TMEM214: variants seen among roughly 807,000 people sequenced by gnomAD.
The protein encoded by TMEM214 is transmembrane protein 214.
A neutral mutation model predicts 89.8 loss-of-function variants in TMEM214; 71 were observed. The ratio of observed to expected loss-of-function variants is 0.79; its 90% confidence interval spans 0.65 to 0.96. The LOEUF (loss-of-function observed/expected upper bound fraction) is 0.96, where lower values mean the gene tolerates loss of function less well. TMEM214 is among the 40% of genes least tolerant of loss of function. The probability of loss-of-function intolerance (pLI) is 0.00; values close to 1 mark genes in which losing one functional copy is unlikely to be tolerated. For missense variants in TMEM214, 754 were observed against 843.4 expected, an observed-to-expected ratio of 0.89 and a Z score of 1.31; for synonymous variants, 332 against 349.5, an observed-to-expected ratio of 0.95 and a Z score of 0.56.
chr2:27,037,822 T>C, intron 9 of TMEM214, 120 bp downstream of exon 9: 2 of 1,598,138 alleles, frequency 1.3e-6, no homozygotes, highest in Non-Finnish European at 1.7e-6. Context: ...TAGCTCCCTG[T>C]TGACAGCTGC....
rs1558399015 is a variant in TMEM214, at chr2:27,038,353, C to G, written c.1244+116C>G. 1 of 1,536,520 alleles carries G rather than the reference C, an allele frequency of 6.5e-7. No individual in the cohort carries two copies. Among genetic ancestry groups the G allele is most frequent in the Non-Finnish European group, 9.0e-7 (1 of 1,113,228 alleles). On this transcript the variant is annotated intron_variant, in intron 10 of 16. Coordinates refer to ENST00000238788, the MANE Select transcript of TMEM214 (RefSeq NM_017727.5). The surrounding 1 kb of genome is among the most constrained non-coding windows in gnomAD (Gnocchi z 4.4). ...AGTGGGAACATTGCTGGAGCAGCCTCTAGGAAGCTGCTGCTCTGTGGGTGG... is the reference window on the plus strand; with the variant it reads ...AGTGGGAACATTGCTGGAGCAGCCTGTAGGAAGCTGCTGCTCTGTGGGTGG...
chr2:27,038,869 G>A lies in TMEM214; in HGVS notation c.1407+54G>A. ...CACGCTATCTTACATCTCTGTCTCA[G>A]CACACCTGGGTTGGGCCTGTATCAC... On this transcript the variant is annotated intron_variant, in intron 12 of 16. Coordinates refer to ENST00000238788, the MANE Select transcript of TMEM214 (RefSeq NM_017727.5). The surrounding 1 kb of genome is among the most constrained non-coding windows in gnomAD (Gnocchi z 4.4). The A allele has an allele frequency of 6.5e-7, 1 of 1,535,426 alleles. No individual in the cohort carries two copies. Among genetic ancestry groups the A allele is most frequent in the Non-Finnish European group, 9.0e-7 (1 of 1,112,792 alleles).
intron 7 of TMEM214, 35 bp from the exon 8 acceptor site, chr2:27,037,042 T>C: frequency 6.3e-7 from 1 of 1,576,812 alleles, no homozygotes; most frequent in South Asian, 1.1e-5. Context: ...GCATGGGTGG[T>C]GGTGTCCAGC....
intron 1 of TMEM214, 41 bp downstream of exon 1, chr2:27,033,207 C>T (rs984565316): frequency 8.0e-7 from 1 of 1,245,358 alleles, no homozygotes; most frequent in East Asian, 3.2e-5. Flanking sequence ...CCAGGCCTGT[C>T]CGGCAGGGTC....
Position 27,036,037 on chromosome 2 carries a change from G to C in TMEM214, c.705G>C (p.Thr235=), listed in dbSNP as rs1459742396. The C allele has an allele frequency of 1.2e-6, 2 of 1,614,126 alleles. No homozygotes were observed. ...TGCAAGACAAGCCCAAGATTGCCAC[G>C]GCAAACCTAGGCAAGGTGAGCTCTC... The part of the protein sequence containing the change: ...AILQDKPKIA[T]ANLGKFLELL... Residue 235 remains threonine, a synonymous_variant, in exon 5 of 17, where the codon ACG becomes ACC. Transcript: ENST00000238788.
chr2:27,036,609 G>A lies in TMEM214; in HGVS notation c.826+17G>A, dbSNP rs1667575325. ...GACTGAAAGGTAACAGGGAAATAGG[G>A]AAGAAAGAGGGAGGGTCTCGGAGCT... On this transcript the variant is annotated intron_variant, in intron 6 of 16. Coordinates refer to ENST00000238788, the MANE Select transcript of TMEM214 (RefSeq NM_017727.5). The A allele has an allele frequency of 1.2e-6, 2 of 1,613,656 alleles. No homozygotes were observed. Among genetic ancestry groups the A allele is most frequent in the Non-Finnish European group, 1.7e-6 (2 of 1,179,660 alleles).
chr2:27,038,350 C>T lies in TMEM214; in HGVS notation c.1244+113C>T. On this transcript the variant is annotated intron_variant, in intron 10 of 16. Transcript: ENST00000238788. This position sits in a 1 kb window ranked among gnomAD's most constrained non-coding sequence, Gnocchi z 4.4. ...CTGAGTGGGAACATTGCTGGAGCAGCCTCTAGGAAGCTGCTGCTCTGTGGG... is the reference window on the plus strand; with the variant it reads ...CTGAGTGGGAACATTGCTGGAGCAGTCTCTAGGAAGCTGCTGCTCTGTGGG... 1 of 1,535,316 alleles carries T rather than the reference C, an allele frequency of 6.5e-7. No homozygotes were observed. The highest frequency in any genetic ancestry group is 9.0e-7 in the Non-Finnish European group (1 of 1,112,344).
At chr2:27,039,300 A>T (rs1419943456) in intron 13 of TMEM214, 136 bp downstream of exon 13, 1 of 732,530 alleles carries the variant, frequency 1.4e-6, no homozygotes, top group African/African-American at 1.8e-5. Context: ...CACTTTACAG[A>T]CAGATTTTTT....
rs1250034008 is a variant in TMEM214, at chr2:27,038,693, T to C, written c.1294-9T>C. 1.2e-6 allele frequency: 2 copies of C among 1,613,622 alleles called. No homozygotes were observed. Among genetic ancestry groups the C allele is most frequent in the South Asian group, 2.2e-5 (2 of 90,992 alleles). On this transcript the variant is annotated splice_polypyrimidine_tract_variant and intron_variant, in intron 11 of 16. Transcript: ENST00000238788. The surrounding 1 kb of genome is among the most constrained non-coding windows in gnomAD (Gnocchi z 4.4). ...ATTCCCTCACAGGCCAGACCTTTCT[T>C]GTCCATAGGTACAGAAGTCTTTGCA... is the stretch of plus-strand genomic sequence containing the variant.
intron 12 of TMEM214, 36 bp from the exon 13 acceptor site, chr2:27,039,011 G>A (rs751988783): frequency 2.1e-5 from 33 of 1,604,808 alleles, no homozygotes; most frequent in Admixed American, 3.3e-5. Flanking sequence ...CCAGCCCCTC[G>A]CTTCTGACAA....
intron 1 of TMEM214, 131 bp from the exon 2 acceptor site, chr2:27,033,936 G>C: frequency 1.0e-6 from 1 of 999,638 alleles, no homozygotes; most frequent in Non-Finnish European, 1.5e-6. Flanking sequence ...AGCAGTCCAA[G>C]AGGAAGGGGC....
chr2:27,039,039 C>G lies in TMEM214; in HGVS notation c.1408-8C>G. 1 of 1,612,992 alleles carries G rather than the reference C, an allele frequency of 6.2e-7. No homozygotes were observed. On this transcript the variant is annotated splice_region_variant and splice_polypyrimidine_tract_variant and intron_variant, in intron 12 of 16. Coordinates refer to ENST00000238788, the MANE Select transcript of TMEM214 (RefSeq NM_017727.5). ...TCTGACAACTGTCTCCTGCTCCCCTCCCACCAGGGCCTGTTGCAGCAGGTT... is the reference window on the plus strand; with the variant it reads ...TCTGACAACTGTCTCCTGCTCCCCTGCCACCAGGGCCTGTTGCAGCAGGTT...
In TMEM214 at chr2:27,037,440, A is replaced by G. The variant is rs913018615; in HGVS notation, c.1011-121A>G. On this transcript the variant is annotated intron_variant, in intron 8 of 16. Coordinates refer to ENST00000238788, the MANE Select transcript of TMEM214 (RefSeq NM_017727.5). ...TCTCTGAGTAAAAAGATTCAGAGCC[A>G]TTGCAAGGTCCTCAGTGGCTATTCC... 16 of 1,269,828 alleles carry G rather than the reference A, an allele frequency of 1.3e-5. No homozygotes were observed. The Admixed American group carries it at 2.1e-4, about 17-fold the overall frequency. The allele number at this position is 1,269,828 out of a possible 1,614,324, so 78.7% of individuals were successfully genotyped here. A position where few individuals can be genotyped will look rare whatever the true frequency, so the allele number is the denominator to read the frequency against.
chr2:27,040,362 C>T lies in TMEM214; in HGVS notation c.1809C>T (p.Pro603=), dbSNP rs184236766. 4.2e-3 allele frequency: 6,787 copies of T among 1,614,198 alleles called. 62 individuals are homozygous for T. Among genetic ancestry groups the T allele is most frequent in the Non-Finnish European group, 3.9e-3 (4,593 of 1,180,016 alleles). ...SLSQRLQIQL[P]DSVNQLLRYL... is the part of the protein sequence containing the mutation. ...TGGTCCAGCTACAGATCCAGCTCCCCGATTCCGTGAATCAGCTACTCCGCT... is the reference window on the plus strand; with the variant it reads ...TGGTCCAGCTACAGATCCAGCTCCCTGATTCCGTGAATCAGCTACTCCGCT... Residue 603 remains proline (P), a synonymous_variant, in exon 16 of 17, where the codon CCC becomes CCT. Transcript: ENST00000238788.
In TMEM214 at chr2:27,037,624, G is replaced by A. The variant is rs374631368; in HGVS notation, c.1074G>A (p.Pro358=). 254 of 1,614,126 alleles carry A rather than the reference G, an allele frequency of 1.6e-4. 1 individual carries two copies. Among genetic ancestry groups the A allele is most frequent in the South Asian group, 1.6e-3 (142 of 91,080 alleles). The change falls in exon 9 of 17, where the codon CCG becomes CCA. Residue 358 remains proline (P), a synonymous_variant. Coordinates refer to ENST00000238788, the MANE Select transcript of TMEM214 (RefSeq NM_017727.5). ...AAGTGCTGGCATTTGGAGCAAAGCC[G>A]GATTCCACCCTGCATACCTACTTCC... is the stretch of plus-strand genomic sequence containing the variant. The part of the protein sequence containing the change: ...RLKVLAFGAK[P]DSTLHTYFPS...
At chr2:27,035,453 T>C (rs548444799) in intron 3 of TMEM214, 141 bp from the exon 4 acceptor site, 84 of 1,425,206 alleles carry the variant, frequency 5.9e-5, no homozygotes, top group Non-Finnish European at 7.9e-5. Context: ...TGATCCTCCC[T>C]CTGGGCCTCC....
intron 1 of TMEM214, 44 bp downstream of exon 1, chr2:27,033,210 G>T (rs1667407827): frequency 2.4e-6 from 3 of 1,244,846 alleles, no homozygotes; most frequent in Non-Finnish European, 1.0e-6. Flanking sequence ...GGCCTGTCCG[G>T]CAGGGTCGCA....
chr2:27,037,029 C>G (rs1283161954), intron 7 of TMEM214, 48 bp from the exon 8 acceptor site: 1 of 1,545,694 alleles, frequency 6.5e-7, no homozygotes, highest in Non-Finnish European at 8.9e-7. Flanking sequence ...GCCAAAACAG[C>G]TGGCATGGGT....
intron 5 of TMEM214, 46 bp from the exon 6 acceptor site, chr2:27,036,441 G>C (rs369467104): frequency 3.8e-5 from 56 of 1,489,292 alleles, no homozygotes; most frequent in Non-Finnish European, 5.1e-5. Flanking sequence ...GGGTGCTCCT[G>C]GTGTTTTGTC....
Sources: allele counts gnomAD v4.1 joint callset, GRCh38; gene constraint gnomAD v4.1.1; non-coding constraint Gnocchi (gnomAD v3.1); transcripts MANE v1.5; gene names NCBI Gene and HGNC (gene_info 2026-07-23, HGNC 2026-07-21).